SLFN12L: variants seen among roughly 807,000 people sequenced by gnomAD.
SLFN12L encodes schlafen family member 12-like.
In SLFN12L, 34 loss-of-function variants were observed where a neutral mutation model predicts 34.8. The observed-to-expected ratio is 0.98, with a 90% CI of 0.74 to 1.30. SLFN12L has a LOEUF of 1.30. SLFN12L is among the 50% of genes most tolerant of loss of function. The pLI is 0.00. For missense variants in SLFN12L, 703 were observed against 696.2 expected, an observed-to-expected ratio of 1.01 and a Z score of -0.11; for synonymous variants, 259 against 247.5, an observed-to-expected ratio of 1.05 and a Z score of -0.44.
chr17:35,480,941 T>C (rs979030807), intron 2 of SLFN12L, among the ~76,000 whole-genome samples: 3 of 152,122 alleles, frequency 2.0e-5, no homozygotes, highest in Non-Finnish European at 4.4e-5. Context: ...GATATGATTA[T>C]ATATGATTAT....
At position 35,474,707 on chromosome 17, in the gene SLFN12L, C is replaced by T. The variant is rs984913782; in HGVS notation, c.*216G>A. ...GAGACCGGGGGGGGGGGTTGAATCA[C>T]GAGGTCAGGAGTTCAAGACCAGCCT... On this transcript the variant is annotated 3_prime_UTR_variant, in exon 5 of 5. Transcript: ENST00000628453. 3.8e-5 allele frequency: 14 copies of T among 364,450 alleles called. No individual in the cohort carries two copies. The highest frequency in any genetic ancestry group is 1.6e-4 in the East Asian group (3 of 18,962). The allele number at this position is 364,450 out of a possible 1,614,324, so 22.6% of individuals were successfully genotyped here.
intron 2 of SLFN12L, among the ~76,000 whole-genome samples, chr17:35,484,142 G>T (rs974206418): frequency 1.3e-5 from 2 of 152,238 alleles, no homozygotes; most frequent in Non-Finnish European, 2.9e-5. Context: ...TTTTGCATAG[G>T]TGTGCTCTGA....
At chr17:35,483,812 G>T (rs1567652737) in intron 2 of SLFN12L, among the ~76,000 whole-genome samples, 4 of 152,066 alleles carry the variant, frequency 2.6e-5, no homozygotes, top group Non-Finnish European at 5.9e-5. Flanking sequence ...GCTATAAAGG[G>T]GTCAGAATAT....
chr17:35,524,758 C>T (rs1471393165), intron 1 of SLFN12L, among the ~76,000 whole-genome samples: 8 of 152,148 alleles, frequency 5.3e-5, no homozygotes, highest in Non-Finnish European at 1.0e-4. Flanking sequence ...GAGAAACCAG[C>T]TCAAAAAGGC....
chr17:35,522,687 A>G lies in SLFN12L; in HGVS notation c.-323T>C, dbSNP rs56319442. On this transcript the variant is annotated 5_prime_UTR_variant, in exon 2 of 5. Coordinates refer to ENST00000628453, the MANE Select transcript of SLFN12L (RefSeq NM_001363830.2). ...CCTTGGCCCTGACACACACCTCCCC[A>G]GTGTAGCCCCCCATGTTCACCAGCT... is the stretch of plus-strand genomic sequence containing the variant. 42,421 of 1,613,442 alleles carry G rather than the reference A, an allele frequency of 0.026. 604 individuals carry two copies. The highest frequency in any genetic ancestry group is 0.029 in the Non-Finnish European group (34,049 of 1,179,476).
At chr17:35,531,128 C>T (rs1270666311) in intron 1 of SLFN12L, among the ~76,000 whole-genome samples, 3 of 152,088 alleles carry the variant, frequency 2.0e-5, no homozygotes. Flanking sequence ...AATGTAAGGG[C>T]AGGAGGAAAT....
intron 1 of SLFN12L, among the ~76,000 whole-genome samples, chr17:35,530,434 GGGAAGGGAAGAAA>G (rs1462406016): frequency 0.036 from 418 of 11,612 alleles, 66 homozygotes; most frequent in East Asian, 0.082. Context: ...AGGAAGGGAA[GGGAAGGGAAGAAA>G]GAAAGAAAGA....
chr17:35,528,575 A>G lies in SLFN12L; in HGVS notation c.-605-5606T>C, dbSNP rs559558394. ...AACCATTTGATCTGACAAACCTAAC[A>G]AAAACAAGCAATGGGGAAAGGATTC... On this transcript the variant is annotated intron_variant, in intron 1 of 4. Transcript: ENST00000628453. 1.2e-3 allele frequency among the ~76,000 whole-genome samples: 181 copies of G among 152,316 alleles called. 1 individual carries two copies. The Middle Eastern group carries it at 0.024, about 20-fold the overall frequency.
intron 2 of SLFN12L, among the ~76,000 whole-genome samples, chr17:35,512,343 A>G (rs897363177): frequency 2.7e-4 from 38 of 140,906 alleles, no homozygotes; most frequent in African/African-American, 9.4e-4. Flanking sequence ...CTGGGAGAGA[A>G]TTTAAAAAAG....
chr17:35,523,434 G>C (rs561284610), intron 1 of SLFN12L, among the ~76,000 whole-genome samples: 7 of 152,326 alleles, frequency 4.6e-5, no homozygotes, highest in African/African-American at 1.4e-4. Flanking sequence ...TTGCGGAGAA[G>C]AGGAAGTTAC....
chr17:35,524,451 A>C (rs1190352160), intron 1 of SLFN12L, among the ~76,000 whole-genome samples: 1 of 152,208 alleles, frequency 6.6e-6, no homozygotes. Context: ...AGCAGGGGCC[A>C]ACAAACACCT....
At chr17:35,505,735 C>T (rs1025680113) in intron 2 of SLFN12L, among the ~76,000 whole-genome samples, 3 of 152,160 alleles carry the variant, frequency 2.0e-5, no homozygotes, top group Admixed American at 2.0e-4. Context: ...AGCAGCTTCG[C>T]CAACCCCTGT....
intron 2 of SLFN12L, chr17:35,498,995 C>T: frequency 1.4e-6 from 1 of 706,666 alleles, no homozygotes; most frequent in Admixed American, 1.8e-5. Context: ...CTACCGTCTG[C>T]TTCTATAACA....
In SLFN12L at chr17:35,468,588, T is replaced by C. The variant is rs1170942287; in HGVS notation, c.*6335A>G. On this transcript the variant is annotated 3_prime_UTR_variant, in exon 5 of 5. Coordinates refer to ENST00000628453, the MANE Select transcript of SLFN12L (RefSeq NM_001363830.2). ...CCTTTTTTCCTTTGATATCAGGGATTCTATTGTGTTTCTGAGTGTGCTGTC... is the reference window on the plus strand; with the variant it reads ...CCTTTTTTCCTTTGATATCAGGGATCCTATTGTGTTTCTGAGTGTGCTGTC... Among the ~76,000 whole-genome samples the C allele has an allele frequency of 6.6e-6, 1 of 152,218 alleles. No homozygotes were observed. Among genetic ancestry groups the C allele is most frequent in the African/African-American group, 2.4e-5 (1 of 41,444 alleles).
intron 2 of SLFN12L, among the ~76,000 whole-genome samples, chr17:35,486,869 G>A (rs985253613): frequency 3.9e-5 from 6 of 152,206 alleles, no homozygotes; most frequent in Non-Finnish European, 8.8e-5. Flanking sequence ...CAACCCACAA[G>A]GGTGGGACAG....
intron 2 of SLFN12L, among the ~76,000 whole-genome samples, chr17:35,511,137 T>C (rs910617375): frequency 3.3e-5 from 5 of 152,242 alleles, no homozygotes; most frequent in Non-Finnish European, 1.5e-5. Context: ...TTTTTTCTAG[T>C]AGAAAACATT....
chr17:35,484,831 C>T (rs535646154), intron 2 of SLFN12L, among the ~76,000 whole-genome samples: 54 of 152,202 alleles, frequency 3.5e-4, no homozygotes, highest in African/African-American at 1.1e-3. Context: ...AAAATTTACT[C>T]GGGTAGAATT....
In SLFN12L at chr17:35,475,108, G is replaced by T. The variant is rs746719976; in HGVS notation, c.1654C>A (p.Gln552Lys). ...YLSPEGKTSC[Q>K]YDLNSQVIYP... Reference sequence around the variant, plus strand: ...ATTACTTGCGAGTTTAAATCATACTGGCAGCTTGTCTTGCCTTCAGGGCTC... The same window carrying T: ...ATTACTTGCGAGTTTAAATCATACTTGCAGCTTGTCTTGCCTTCAGGGCTC... Residue 552 changes from glutamine (Q) to lysine (K), a missense_variant, in exon 5 of 5, where the codon CAG becomes AAG. Gln to Lys is a moderately conservative substitution (Grantham distance 53, BLOSUM62 1). Transcript: ENST00000628453. The T allele has an allele frequency of 1.4e-5, 22 of 1,614,082 alleles. No individual in the cohort carries two copies. The highest frequency in any genetic ancestry group is 1.7e-5 in the Non-Finnish European group (20 of 1,180,044).
chr17:35,498,180 G>GTGGGGAGCCGGGGCC lies in SLFN12L; in HGVS notation c.87-17986_87-17985insGGCCCCGGCTCCCCA, dbSNP rs1207401696. Reference sequence around the variant, plus strand: ...GAAGCATCTCGATCCGGGAGGCGGCGGCGTGGGGAGCCGGGGCCGCCTGGG... The same window carrying GTGGGGAGCCGGGGCC: ...GAAGCATCTCGATCCGGGAGGCGGCGTGGGGAGCCGGGGCCGCGTGGGGAGCCGGGGCCGCCTGGG... On this transcript the variant is annotated intron_variant, in intron 2 of 4. Transcript: ENST00000628453. 57 of 239,798 alleles carry GTGGGGAGCCGGGGCC rather than the reference G, an allele frequency of 2.4e-4. 1 individual carries two copies. The Middle Eastern group carries it at 3.0e-3, about 13-fold the overall frequency. The allele number at this position is 239,798 out of a possible 1,614,324, so 14.9% of individuals were successfully genotyped here.
Sources: gnomAD v4.1 joint callset for allele counts (sites outside exome capture counted in the v4.1 genomes callset) on GRCh38, gnomAD v4.1.1 for gene constraint, MANE v1.5 for transcripts, NCBI Gene and HGNC (gene_info 2026-07-23, HGNC 2026-07-21) for gene names.